The following UBE2G1 variants were observed in gnomAD, a reference collection of about 807,000 sequenced individuals.
UBE2G1 encodes ubiquitin conjugating enzyme E2 G1, also known as ubiquitin-conjugating enzyme E2 G1.
UBE2G1 carries 5 observed loss-of-function variants against 22.7 expected under a neutral mutation model. The ratio of observed to expected loss-of-function variants is 0.22; its 90% CI spans 0.12 to 0.46. The LOEUF (loss-of-function observed/expected upper bound fraction) is 0.46. UBE2G1 is among the 20% of genes least tolerant of loss of function. The pLI, the probability that UBE2G1 is intolerant of heterozygous loss-of-function variation, is 0.99. For missense variants in UBE2G1, 88 were observed against 203.9 expected (o/e 0.43, Z 3.46); for synonymous variants, 74 against 67.5 (o/e 1.10, Z -0.47).
intron 1 of UBE2G1, among the ~76,000 whole-genome samples, chr17:4,351,075 T>C (rs551889379): frequency 6.7e-6 from 1 of 148,356 alleles, no homozygotes; most frequent in African/African-American, 2.5e-5. Flanking sequence ...GGTGCGTGCC[T>C]GTAATCCCAG....
intron 1 of UBE2G1, among the ~76,000 whole-genome samples, chr17:4,340,753 A>C (rs1969701654): frequency 1.3e-5 from 2 of 151,826 alleles, no homozygotes; most frequent in African/African-American, 4.9e-5. Flanking sequence ...GAACAAACTA[A>C]TACCCAACAT....
In UBE2G1 at chr17:4,271,899, A is replaced by T. The variant is rs1968764589; in HGVS notation, c.*655T>A. 1 of 152,668 alleles carries T rather than the reference A, an allele frequency of 6.6e-6. No homozygotes were observed. The highest frequency in any genetic ancestry group is 1.5e-5 in the Non-Finnish European group (1 of 68,054). The allele number at this position is 152,668 out of a possible 1,614,324, so 9.5% of individuals were successfully genotyped here. ...AAGCACCTAGTGATGACTCCTTCGA[A>T]GTCATCATTAAAAATCAAGTAATTG... is the stretch of plus-strand genomic sequence containing the variant. On this transcript the variant is annotated 3_prime_UTR_variant, in exon 6 of 6. Transcript: ENST00000396981.
At chr17:4,272,558 T>G (rs1266681888) in intron 5 of UBE2G1, 42 bp from the exon 6 acceptor site, 1 of 186,628 alleles carries the variant, frequency 5.4e-6, no homozygotes, top group Non-Finnish European at 1.1e-5. Context: ...ATTCATCAAT[T>G]ACAAAAGAAT....
chr17:4,300,842 T>C (rs1422091222), intron 2 of UBE2G1, among the ~76,000 whole-genome samples: 1 of 150,690 alleles, frequency 6.6e-6, no homozygotes, highest in East Asian at 2.0e-4. Flanking sequence ...CAGGTGCCCA[T>C]AATCCCAGCT....
At chr17:4,365,217 T>C (rs943831031) in intron 1 of UBE2G1, among the ~76,000 whole-genome samples, 9 of 152,226 alleles carry the variant, frequency 5.9e-5, no homozygotes, top group African/African-American at 2.2e-4. Context: ...GAACTGAGAA[T>C]GACACACGCC....
intron 1 of UBE2G1, among the ~76,000 whole-genome samples, chr17:4,316,662 C>G (rs1392369959): frequency 6.6e-6 from 1 of 152,132 alleles, no homozygotes; most frequent in African/African-American, 2.4e-5. Flanking sequence ...TACCACGACA[C>G]GGGCTACCGG....
chr17:4,279,510 G>C (rs371505267), intron 5 of UBE2G1, among the ~76,000 whole-genome samples: 1 of 152,028 alleles, frequency 6.6e-6, no homozygotes, highest in Non-Finnish European at 1.5e-5. Context: ...TATGAAAAGC[G>C]AAACAAAACA....
At chr17:4,357,523 G>GGTGT (rs1261153908) in intron 1 of UBE2G1, among the ~76,000 whole-genome samples, 2 of 72,998 alleles carry the variant, frequency 2.7e-5, no homozygotes, top group African/African-American at 5.0e-5. Context: ...GGGGGGGGTG[G>GGTGT]GTGTATAACT....
At position 4,307,077 on chromosome 17, in the gene UBE2G1, A is replaced by G. The variant is rs1876742615; in HGVS notation, c.93T>C (p.Asp31=). The G allele has an allele frequency of 6.2e-7, 1 of 1,614,162 alleles. No homozygotes were observed. Among genetic ancestry groups the G allele is most frequent in the African/African-American group, 1.3e-5 (1 of 75,076 alleles). ...PVEGFSAGLI[D]DNDLYRWEVL... is the part of the protein sequence containing the mutation. ...CTTCCCATCGGTAGAGATCATTGTC[A>G]TCTATTAAACCTGCAGAAAAGCCTT... The change falls in exon 2 of 6, where the codon GAT becomes GAC. Residue 31 remains aspartate, a synonymous_variant. Coordinates refer to ENST00000396981, the MANE Select transcript of UBE2G1 (RefSeq NM_003342.5).
chr17:4,286,469 C>A (rs1488431916), intron 4 of UBE2G1, among the ~76,000 whole-genome samples: 4 of 150,026 alleles, frequency 2.7e-5, no homozygotes, highest in African/African-American at 9.8e-5. Flanking sequence ...TAATATGAGA[C>A]AACTAACTAG....
chr17:4,347,510 T>C (rs1160589510), intron 1 of UBE2G1, among the ~76,000 whole-genome samples: 1 of 138,008 alleles, frequency 7.2e-6, no homozygotes, highest in Non-Finnish European at 1.5e-5. Context: ...AGTCTCGCTC[T>C]GTCACCCAGA....
intron 1 of UBE2G1, among the ~76,000 whole-genome samples, chr17:4,312,569 A>G (rs943760620): frequency 2.3e-4 from 35 of 151,150 alleles, no homozygotes; most frequent in Non-Finnish European, 4.4e-4. Flanking sequence ...GGTGGCGGGC[A>G]CCTGTAGTCC....
rs1024879304 is a variant in UBE2G1, at chr17:4,283,396, A to C, written c.427-475T>G. 7.9e-5 allele frequency among the ~76,000 whole-genome samples: 12 copies of C among 152,142 alleles called. 1 individual carries two copies. The highest frequency in any genetic ancestry group is 2.7e-4 in the African/African-American group (11 of 41,432). On this transcript the variant is annotated intron_variant, in intron 4 of 5. Coordinates refer to ENST00000396981, the MANE Select transcript of UBE2G1 (RefSeq NM_003342.5). ...ATGCCTGTAATCCCAGCTACTCAGG[A>C]GGCTGAGGCAGGAAAATCGCTTGAA...
At chr17:4,334,776 T>G (rs1239720936) in intron 1 of UBE2G1, among the ~76,000 whole-genome samples, 1 of 152,092 alleles carries the variant, frequency 6.6e-6, no homozygotes, top group African/African-American at 2.4e-5. Context: ...TGACCTCAAC[T>G]GATCCACCCG....
At chr17:4,327,718 C>T (rs1191069688) in intron 1 of UBE2G1, among the ~76,000 whole-genome samples, 1 of 152,140 alleles carries the variant, frequency 6.6e-6, no homozygotes, top group Non-Finnish European at 1.5e-5. Flanking sequence ...CATATTCCTA[C>T]CTCCTTGTGT....
Position 4,271,721 on chromosome 17 carries a change from A to C in UBE2G1, c.*833T>G, listed in dbSNP as rs545874654. On this transcript the variant is annotated 3_prime_UTR_variant, in exon 6 of 6. Coordinates refer to ENST00000396981, the MANE Select transcript of UBE2G1 (RefSeq NM_003342.5). ...TGAAGAGGGAAAAGTCAGATTTGCT[A>C]TTGTTTGGGGAAATTTTCAGTAAGT... The C allele has an allele frequency of 1.8e-4, 27 of 149,018 alleles. No homozygotes were observed. The highest frequency in any genetic ancestry group is 3.4e-4 in the Non-Finnish European group (23 of 67,448). 9.2% of individuals were successfully genotyped at this position (149,018 alleles called of 1,614,324 possible). A position where few individuals can be genotyped will look rare whatever the true frequency, so the allele number is the denominator to read the frequency against.
At chr17:4,318,179 A>G (rs966234131) in intron 1 of UBE2G1, among the ~76,000 whole-genome samples, 10 of 152,226 alleles carry the variant, frequency 6.6e-5, no homozygotes, top group Non-Finnish European at 1.2e-4. Context: ...CTTAAGGTAC[A>G]ATAAATGTTA....
chr17:4,287,071 A>C (rs1045773651), intron 4 of UBE2G1, among the ~76,000 whole-genome samples: 10 of 150,360 alleles, frequency 6.7e-5, no homozygotes, highest in Admixed American at 5.4e-4. Context: ...AAATACATAC[A>C]TAAAATAAAA....
chr17:4,340,281 A>T (rs865975936), intron 1 of UBE2G1, among the ~76,000 whole-genome samples: 2 of 152,258 alleles, frequency 1.3e-5, no homozygotes, highest in African/African-American at 4.8e-5. Context: ...CCCTAAACTG[A>T]TACTGAGGTT....
Sources: allele counts gnomAD v4.1 joint callset (sites outside exome capture counted in the v4.1 genomes callset), GRCh38; gene constraint gnomAD v4.1.1; transcripts MANE v1.5; gene names NCBI Gene and HGNC (gene_info 2026-07-23, HGNC 2026-07-21).